Variants in ARMC8 observed in about 807,000 individuals in gnomAD.
ARMC8 encodes armadillo repeat-containing protein 8.
ARMC8 carries 20 observed loss-of-function variants against 99.3 expected under a neutral mutation model. The observed-to-expected ratio is 0.20, with a 90% CI of 0.14 to 0.29. The LOEUF (loss-of-function observed/expected upper bound fraction) is 0.29. Among genes scored for constraint, ARMC8 ranks in the 10% least tolerant of loss-of-function variants. The pLI is 1.00. For missense variants in ARMC8, 569 were observed against 809.5 expected (o/e 0.70, Z 3.60); for synonymous variants, 263 against 278.3 (o/e 0.95, Z 0.55).
intron 1 of ARMC8, among the ~76,000 whole-genome samples, chr3:138,208,859 A>G (rs1012747974): frequency 2.0e-5 from 3 of 152,232 alleles, no homozygotes; most frequent in African/African-American, 7.2e-5. Context: ...AAACTTCACA[A>G]TACAAATGAA....
At chr3:138,262,706 A>G (rs76042268) in intron 12 of ARMC8, 38,074 of 1,041,136 alleles carry the variant, frequency 0.037, 809 homozygotes, top group Middle Eastern at 0.056. Flanking sequence ...CTCCCCAGGT[A>G]ATTCTTCTGC....
At chr3:138,220,014 A>C (rs1316729578) in intron 2 of ARMC8, among the ~76,000 whole-genome samples, 1 of 152,222 alleles carries the variant, frequency 6.6e-6, no homozygotes, top group Non-Finnish European at 1.5e-5. Flanking sequence ...TGGAATAGAA[A>C]GCATTCAGAA....
chr3:138,205,069 T>C (rs892398752), intron 1 of ARMC8, among the ~76,000 whole-genome samples: 21 of 133,124 alleles, frequency 1.6e-4, no homozygotes, highest in Admixed American at 9.5e-4. Context: ...TCTTTTTTTT[T>C]TTTTTTTTTT....
chr3:138,199,729 A>G (rs1001155692), intron 1 of ARMC8, among the ~76,000 whole-genome samples: 9 of 152,216 alleles, frequency 5.9e-5, no homozygotes, highest in African/African-American at 1.9e-4. Context: ...GCTGCTTTTA[A>G]AGTATTGGTG....
At chr3:138,197,003 G>A (rs769954641) in intron 1 of ARMC8, among the ~76,000 whole-genome samples, 24 of 152,186 alleles carry the variant, frequency 1.6e-4, no homozygotes, top group Non-Finnish European at 3.1e-4. Flanking sequence ...CCCAGAGTAT[G>A]CCAGTAATCT....
At chr3:138,244,191 T>C (rs181364671) in intron 11 of ARMC8, among the ~76,000 whole-genome samples, 1 of 152,298 alleles carries the variant, frequency 6.6e-6, no homozygotes, top group East Asian at 1.9e-4. Flanking sequence ...CTGTAATAGA[T>C]AATAATGGTT....
intron 21 of ARMC8, 88 bp from the exon 22 acceptor site, chr3:138,295,771 C>A: frequency 6.8e-7 from 1 of 1,474,612 alleles, no homozygotes; most frequent in Non-Finnish European, 9.4e-7. Context: ...CTTTTTTAGA[C>A]TTCCCCAGCT....
chr3:138,255,155 C>T (rs749440730), intron 12 of ARMC8, among the ~76,000 whole-genome samples: 7 of 151,142 alleles, frequency 4.6e-5, no homozygotes, highest in Non-Finnish European at 8.8e-5. Flanking sequence ...AGACTATTTC[C>T]TCCCACCCCA....
chr3:138,210,773 A>G (rs2044650275), intron 2 of ARMC8, among the ~76,000 whole-genome samples: 1 of 152,064 alleles, frequency 6.6e-6, no homozygotes, highest in African/African-American at 2.4e-5. Context: ...TGCTTTGTTT[A>G]TACAAGTTTC....
intron 6 of ARMC8, 124 bp downstream of exon 6, chr3:138,229,134 G>GTATGTATATATATATA (rs2045853367): frequency 1.3e-5 from 1 of 78,606 alleles, no homozygotes; most frequent in African/African-American, 7.0e-5. Context: ...GTGTGTGCGT[G>GTATGTATATATATATA]TATATATATA....
At chr3:138,188,690 T>G (rs1054794813) in intron 1 of ARMC8, among the ~76,000 whole-genome samples, 2 of 152,180 alleles carry the variant, frequency 1.3e-5, no homozygotes, top group African/African-American at 4.8e-5. Flanking sequence ...AACCGGTTTC[T>G]TTTCTCTTCT....
At chr3:138,188,297 T>G (rs1162723509) in intron 1 of ARMC8, 1 of 1,025,084 alleles carries the variant, frequency 9.8e-7, no homozygotes, top group African/African-American at 1.6e-5. Flanking sequence ...AGTCAAACAT[T>G]GAAGGGGGGA....
intron 12 of ARMC8, chr3:138,245,547 G>A (rs1284613109): frequency 1.8e-6 from 2 of 1,108,592 alleles, no homozygotes; most frequent in East Asian, 1.1e-4. Context: ...TGTTATTTAT[G>A]GAAATACCTT....
intron 5 of ARMC8, among the ~76,000 whole-genome samples, chr3:138,225,640 A>G (rs2045655377): frequency 6.6e-6 from 1 of 152,200 alleles, no homozygotes; most frequent in African/African-American, 2.4e-5. Flanking sequence ...GTTTCATGAC[A>G]TTGTTCCACA....
intron 15 of ARMC8, among the ~76,000 whole-genome samples, chr3:138,267,747 TA>T (rs1160856677): frequency 1.3e-5 from 2 of 152,194 alleles, no homozygotes; most frequent in Non-Finnish European, 2.9e-5. Context: ...TTCTTTTTTT[TA>T]ATAGGAAAAA....
chr3:138,263,531 G>C (rs2047962640), intron 12 of ARMC8: 1 of 591,530 alleles, frequency 1.7e-6, no homozygotes, highest in Non-Finnish European at 3.0e-6. Context: ...CCTTACGCCT[G>C]TCATTCAGCC....
chr3:138,188,508 C>G, intron 1 of ARMC8: 1 of 1,613,650 alleles, frequency 6.2e-7, no homozygotes, highest in Non-Finnish European at 8.5e-7. Flanking sequence ...GCAACAAATT[C>G]GAGCTGTCCG....
chr3:138,205,364 A>C (rs767835312), intron 1 of ARMC8, among the ~76,000 whole-genome samples: 40 of 151,734 alleles, frequency 2.6e-4, no homozygotes, highest in Non-Finnish European at 5.0e-4. Flanking sequence ...TCAGTCTTTT[A>C]ATGTGCTCAG....
chr3:138,261,053 A>G (rs1284061187), intron 12 of ARMC8, among the ~76,000 whole-genome samples: 1 of 152,102 alleles, frequency 6.6e-6, no homozygotes, highest in Non-Finnish European at 1.5e-5. Flanking sequence ...TCCCATATTG[A>G]AGGTACTGAT....
Sources: gnomAD v4.1 joint callset for allele counts (sites outside exome capture counted in the v4.1 genomes callset) on GRCh38, gnomAD v4.1.1 for gene constraint, MANE v1.5 for transcripts, NCBI Gene and HGNC (gene_info 2026-07-23, HGNC 2026-07-21) for gene names.